Variants in ST18 observed in about 807,000 individuals in gnomAD.
The protein encoded by ST18 is ST18 C2H2C-type zinc finger transcription factor.
Under a neutral mutation model 110.0 loss-of-function variants are expected in ST18, and 50 were observed. The ratio of observed to expected loss-of-function variants is 0.45; its 90% confidence interval spans 0.36 to 0.58. The LOEUF is 0.58. Among genes scored for constraint, ST18 ranks in the 20% least tolerant of loss-of-function variants. The pLI, the probability that ST18 is intolerant of heterozygous loss-of-function variation, is 0.00. For missense variants in ST18, 1,306 were observed against 1,280.1 expected (o/e 1.02, Z -0.31); for synonymous variants, 461 against 452.4 (o/e 1.02, Z -0.24).
intron 2 of ST18, among the ~76,000 whole-genome samples, chr8:52,300,187 T>C (rs898187983): frequency 1.3e-5 from 2 of 152,222 alleles, no homozygotes; most frequent in African/African-American, 4.8e-5. Flanking sequence ...GTAAGTTGGT[T>C]CTTCCACCAT....
At chr8:52,218,592 G>A (rs2085350514) in intron 5 of ST18, among the ~76,000 whole-genome samples, 1 of 138,578 alleles carries the variant, frequency 7.2e-6, no homozygotes, top group African/African-American at 2.8e-5. Context: ...TAGAGACTGG[G>A]TTTCACCATG....
intron 8 of ST18, among the ~76,000 whole-genome samples, chr8:52,209,327 TG>T (rs1356116473): frequency 2.0e-5 from 3 of 152,208 alleles, no homozygotes; most frequent in African/African-American, 7.2e-5. Flanking sequence ...TGTGTAGCCT[TG>T]GGCTATTTCC....
chr8:52,211,248 A>G (rs950278366), intron 8 of ST18, among the ~76,000 whole-genome samples: 20 of 152,130 alleles, frequency 1.3e-4, no homozygotes, highest in Non-Finnish European at 4.4e-5. Flanking sequence ...TGGAATTTTC[A>G]CAATATTGCC....
chr8:52,165,033 T>G lies in ST18; in HGVS notation c.1295+102A>C, dbSNP rs1014497706. ...TCAAGTGTCACATATTGGACAGTGA[T>G]GCAGCAATTTTCATCACACATTGGT... On this transcript the variant is annotated intron_variant, in intron 12 of 25. Coordinates refer to ENST00000689386, the MANE Select transcript of ST18 (RefSeq NM_001352837.2). 4 of 1,090,896 alleles carry G rather than the reference T, an allele frequency of 3.7e-6. No homozygotes were observed. In the African/African-American group the frequency reaches 6.2e-5, roughly 17 times the overall value. The allele number at this position is 1,090,896 out of a possible 1,614,324, so 67.6% of individuals were successfully genotyped here.
At chr8:52,207,346 G>A (rs1459817928) in intron 8 of ST18, among the ~76,000 whole-genome samples, 1 of 152,226 alleles carries the variant, frequency 6.6e-6, no homozygotes, top group South Asian at 2.1e-4. Context: ...AACAAAATTA[G>A]CTGAGTGTGG....
chr8:52,231,888 G>T (rs974342501), intron 2 of ST18, among the ~76,000 whole-genome samples: 1 of 152,202 alleles, frequency 6.6e-6, no homozygotes, highest in Non-Finnish European at 1.5e-5. Context: ...CAGAGCAGTG[G>T]CTCTGGAACA....
intron 2 of ST18, among the ~76,000 whole-genome samples, chr8:52,287,906 G>A (rs2095494844): frequency 1.3e-5 from 2 of 152,180 alleles, no homozygotes; most frequent in East Asian, 1.9e-4. Context: ...AAGAGACCCA[G>A]GGACCAAGCT....
intron 2 of ST18, among the ~76,000 whole-genome samples, chr8:52,279,312 G>T (rs1402668900): frequency 6.6e-6 from 1 of 152,054 alleles, no homozygotes; most frequent in Non-Finnish European, 1.5e-5. Context: ...CTAACAGCGG[G>T]TTAGACACAT....
intron 2 of ST18, among the ~76,000 whole-genome samples, chr8:52,279,931 G>A (rs2095343469): frequency 6.6e-6 from 1 of 152,146 alleles, no homozygotes; most frequent in East Asian, 1.9e-4. Context: ...AATGATGATT[G>A]GAGAGGAGGG....
In ST18 at chr8:52,131,865, C is replaced by T. The variant is rs924037891; in HGVS notation, c.2666+93G>A. On this transcript the variant is annotated intron_variant, in intron 22 of 25. Transcript: ENST00000689386. ...ACATCTCAACTGCTACAGTGAACAACCTTTAGGGGGTTGTTCACAACCCTC... is the reference window on the plus strand; with the variant it reads ...ACATCTCAACTGCTACAGTGAACAATCTTTAGGGGGTTGTTCACAACCCTC... The T allele has an allele frequency of 5.8e-6, 7 of 1,202,652 alleles. No homozygotes were observed. The African/African-American group carries it at 6.1e-5, about 10-fold the overall frequency. The allele number at this position is 1,202,652 out of a possible 1,614,324, so 74.5% of individuals were successfully genotyped here.
intron 4 of ST18, 73 bp from the exon 5 acceptor site, chr8:52,220,921 C>A (rs779239545): frequency 4.1e-4 from 63 of 152,250 alleles, no homozygotes; most frequent in Admixed American, 9.8e-4. Context: ...GCAATAAACA[C>A]TTAAATGAAC....
Position 52,111,340 on chromosome 8 carries a change from A to G in ST18, c.*1858T>C. On this transcript the variant is annotated 3_prime_UTR_variant, in exon 26 of 26. Transcript: ENST00000689386. Reference sequence around the variant, plus strand: ...AAAATGTTTGCAAGTACACAACTGTAATAGAAAATTTTGTTTGGTGTCCCA... The same window carrying G: ...AAAATGTTTGCAAGTACACAACTGTGATAGAAAATTTTGTTTGGTGTCCCA... The G allele has an allele frequency of 5.0e-6, 1 of 201,174 alleles. No homozygotes were observed. Among genetic ancestry groups the G allele is most frequent in the Admixed American group, 5.9e-5 (1 of 16,830 alleles). 12.5% of individuals were successfully genotyped at this position (201,174 alleles called of 1,614,324 possible).
At chr8:52,122,923 T>C (rs2045554818) in intron 23 of ST18, among the ~76,000 whole-genome samples, 1 of 152,022 alleles carries the variant, frequency 6.6e-6, no homozygotes. Context: ...ATAAATTATA[T>C]ATAACTATAT....
chr8:52,334,742 A>AT (rs1401129539), intron 2 of ST18, among the ~76,000 whole-genome samples: 3 of 152,034 alleles, frequency 2.0e-5, no homozygotes, highest in African/African-American at 7.2e-5. Context: ...CTACCTCTGT[A>AT]TTTTCTCTCC....
chr8:52,276,367 C>T lies in ST18; in HGVS notation c.-464-46290G>A, dbSNP rs553268156. ...ATCATACATGCACACCACACACACA[C>T]GCCACATACTACACATACACCATAC... On this transcript the variant is annotated intron_variant, in intron 2 of 25. Coordinates refer to ENST00000689386, the MANE Select transcript of ST18 (RefSeq NM_001352837.2). Among the ~76,000 whole-genome samples, 228 of 150,112 alleles carry T rather than the reference C, an allele frequency of 1.5e-3. 1 individual carries two copies. The highest frequency in any genetic ancestry group is 2.7e-3 in the Non-Finnish European group (179 of 67,356).
At chr8:52,373,114 C>T (rs570740723) in intron 2 of ST18, among the ~76,000 whole-genome samples, 4 of 152,192 alleles carry the variant, frequency 2.6e-5, no homozygotes, top group South Asian at 4.2e-4. Context: ...AGAGCTGCTC[C>T]GCTTACACCT....
intron 2 of ST18, among the ~76,000 whole-genome samples, chr8:52,269,602 A>C (rs1425279746): frequency 6.6e-6 from 1 of 152,184 alleles, no homozygotes; most frequent in Non-Finnish European, 1.5e-5. Context: ...AGAGTGCATT[A>C]TGAGCTGTTT....
Position 52,112,844 on chromosome 8 carries a change from A to C in ST18, c.*354T>G, listed in dbSNP as rs889569988. The C allele has an allele frequency of 2.5e-5, 4 of 161,270 alleles. No individual in the cohort carries two copies. The highest frequency in any genetic ancestry group is 9.6e-5 in the African/African-American group (4 of 41,856). 10.0% of individuals were successfully genotyped at this position (161,270 alleles called of 1,614,324 possible). ...CACTTGTAAAAATACGGCAGACTTC[A>C]AAATGCAGTTAAAAGATAAAAAACT... On this transcript the variant is annotated 3_prime_UTR_variant, in exon 26 of 26. Coordinates refer to ENST00000689386, the MANE Select transcript of ST18 (RefSeq NM_001352837.2).
chr8:52,163,828 A>G (rs182021886), intron 13 of ST18, among the ~76,000 whole-genome samples, 158 bp downstream of exon 13: 1 of 152,288 alleles, frequency 6.6e-6, no homozygotes, highest in East Asian at 1.9e-4. Context: ...CATTAACTAG[A>G]CCAGCCTCTG....
Sources: gnomAD v4.1 joint callset for allele counts (sites outside exome capture counted in the v4.1 genomes callset) on GRCh38, gnomAD v4.1.1 for gene constraint, MANE v1.5 for transcripts, NCBI Gene and HGNC (gene_info 2026-07-23, HGNC 2026-07-21) for gene names.